Variants in ADAMTS17 observed in about 807,000 individuals in gnomAD.
The protein encoded by ADAMTS17 is ADAM metallopeptidase with thrombospondin type 1 motif 17, also known as A disintegrin and metalloproteinase with thrombospondin motifs 17.
ADAMTS17 carries 113 observed loss-of-function variants against 141.5 expected under a neutral mutation model. The ratio of observed to expected loss-of-function variants is 0.80; its 90% CI spans 0.69 to 0.93. ADAMTS17 has a LOEUF of 0.93. Among genes scored for constraint, ADAMTS17 ranks in the 40% least tolerant of loss-of-function variants. ADAMTS17 has a pLI of 0.00. For synonymous variants in ADAMTS17, 768 were observed against 630.6 expected, an observed-to-expected ratio of 1.22 and a Z score of -3.27; for missense variants, 1,659 against 1,517.9, an observed-to-expected ratio of 1.09 and a Z score of -1.54.
At chr15:100,203,987 GCT>G (rs2041439369) in intron 7 of ADAMTS17, among the ~76,000 whole-genome samples, 1 of 151,998 alleles carries the variant, frequency 6.6e-6, no homozygotes, top group Non-Finnish European at 1.5e-5. Context: ...CCATCCACTA[GCT>G]CTGTGACCCA....
intron 15 of ADAMTS17, among the ~76,000 whole-genome samples, chr15:100,063,120 G>C (rs2033245767): frequency 6.6e-6 from 1 of 152,230 alleles, no homozygotes; most frequent in East Asian, 1.9e-4. Flanking sequence ...GTCCAGAATA[G>C]AACCCAAGTC....
intron 7 of ADAMTS17, among the ~76,000 whole-genome samples, chr15:100,236,430 C>T (rs1055797637): frequency 6.6e-6 from 1 of 152,122 alleles, no homozygotes; most frequent in African/African-American, 2.4e-5. Context: ...TGAGGTCCAG[C>T]CGGCTATGTT....
intron 8 of ADAMTS17, among the ~76,000 whole-genome samples, chr15:100,157,337 T>C (rs894232415): frequency 6.6e-6 from 1 of 152,224 alleles, no homozygotes; most frequent in Non-Finnish European, 1.5e-5. Context: ...TACAAAATTG[T>C]TGAAAAAAAC....
intron 12 of ADAMTS17, among the ~76,000 whole-genome samples, chr15:100,121,272 AG>A (rs2037439244): frequency 6.6e-6 from 1 of 152,202 alleles, no homozygotes; most frequent in South Asian, 2.1e-4. Flanking sequence ...AAAGAGAGAA[AG>A]GGTTAAGAGA....
intron 15 of ADAMTS17, among the ~76,000 whole-genome samples, chr15:100,084,205 T>C (rs879533929): frequency 1.3e-5 from 2 of 152,214 alleles, no homozygotes; most frequent in African/African-American, 4.8e-5. Flanking sequence ...ATCCCGCGCA[T>C]GGCTGGGAGG....
chr15:100,063,253 C>A (rs1567110931), intron 15 of ADAMTS17, among the ~76,000 whole-genome samples: 1 of 152,144 alleles, frequency 6.6e-6, no homozygotes. Context: ...GATTGTTGTT[C>A]TTTTTCCAGC....
At chr15:100,120,235 T>C (rs541854143) in intron 12 of ADAMTS17, among the ~76,000 whole-genome samples, 3 of 152,340 alleles carry the variant, frequency 2.0e-5, no homozygotes, top group African/African-American at 4.8e-5. Context: ...TGCAGTCTAC[T>C]TGAAGGCTTG....
chr15:100,277,524 T>A (rs574692114), intron 4 of ADAMTS17, among the ~76,000 whole-genome samples: 6 of 152,218 alleles, frequency 3.9e-5, no homozygotes, highest in African/African-American at 1.2e-4. Context: ...GTGCCCTGGA[T>A]AATTAAAAAA....
At chr15:100,100,109 T>G (rs1317267213) in intron 14 of ADAMTS17, among the ~76,000 whole-genome samples, 1 of 152,224 alleles carries the variant, frequency 6.6e-6, no homozygotes, top group Non-Finnish European at 1.5e-5. Context: ...GTGCCTGTTA[T>G]GTGCCTAACC....
intron 18 of ADAMTS17, among the ~76,000 whole-genome samples, chr15:100,042,110 C>T (rs978325608): frequency 7.2e-5 from 11 of 152,228 alleles, no homozygotes; most frequent in Non-Finnish European, 1.6e-4. Context: ...AGACCCTCCA[C>T]ATCTCCACCT....
chr15:100,320,992 T>C (rs1398965379), intron 3 of ADAMTS17, among the ~76,000 whole-genome samples: 1 of 152,210 alleles, frequency 6.6e-6, no homozygotes, highest in South Asian at 2.1e-4. Flanking sequence ...CTGACAAAGA[T>C]ATCAGTAAAT....
intron 7 of ADAMTS17, among the ~76,000 whole-genome samples, chr15:100,218,322 T>C (rs2042030470): frequency 6.6e-6 from 1 of 152,226 alleles, no homozygotes; most frequent in African/African-American, 2.4e-5. Context: ...TGGTTTGTCA[T>C]TTAAAAATAA....
intron 4 of ADAMTS17, among the ~76,000 whole-genome samples, chr15:100,267,083 T>C (rs747415733): frequency 6.6e-6 from 1 of 152,270 alleles, no homozygotes; most frequent in South Asian, 2.1e-4. Flanking sequence ...TTCACGTTAT[T>C]GTACAATTAA....
At chr15:100,074,874 CTT>C (rs2034256928) in intron 15 of ADAMTS17, among the ~76,000 whole-genome samples, 1 of 152,064 alleles carries the variant, frequency 6.6e-6, no homozygotes. Flanking sequence ...TCTCTTATGA[CTT>C]ATTAATTTCC....
chr15:100,105,364 G>A (rs1173593700), intron 14 of ADAMTS17, among the ~76,000 whole-genome samples: 5 of 152,208 alleles, frequency 3.3e-5, no homozygotes, highest in Non-Finnish European at 7.3e-5. Flanking sequence ...AATGTGAGGT[G>A]CAGTGCAGGC....
chr15:100,124,864 C>G (rs368459222), intron 12 of ADAMTS17, among the ~76,000 whole-genome samples: 1 of 152,260 alleles, frequency 6.6e-6, no homozygotes, highest in South Asian at 2.1e-4. Flanking sequence ...TCCTCAGGGC[C>G]TTGATAGACA....
At chr15:100,152,504 G>A in intron 10 of ADAMTS17, 108 bp downstream of exon 10, 6 of 1,437,942 alleles carry the variant, frequency 4.2e-6, no homozygotes, top group Admixed American at 1.7e-5. Flanking sequence ...GTGTGTGTAT[G>A]TGCCTGTGCT....
chr15:100,310,760 G>A (rs1028366990), intron 3 of ADAMTS17, among the ~76,000 whole-genome samples: 1 of 152,188 alleles, frequency 6.6e-6, no homozygotes, highest in Non-Finnish European at 1.5e-5. Context: ...TCATTGTCCA[G>A]CTCCATCCAA....
intron 15 of ADAMTS17, among the ~76,000 whole-genome samples, chr15:100,071,804 G>C (rs1000916343): frequency 6.7e-6 from 1 of 150,244 alleles, no homozygotes; most frequent in South Asian, 2.1e-4. Flanking sequence ...ATATCATACC[G>C]AATGGGCAAA....
Sources: allele counts gnomAD v4.1 joint callset (sites outside exome capture counted in the v4.1 genomes callset), GRCh38; gene constraint gnomAD v4.1.1; transcripts MANE v1.5; gene names NCBI Gene and HGNC (gene_info 2026-07-23, HGNC 2026-07-21).